The following CALY variants were observed in gnomAD, a reference collection of about 807,000 sequenced individuals.
CALY encodes the protein neuron-specific vesicular protein calcyon.
A neutral mutation model predicts 20.2 loss-of-function variants in CALY; 15 were observed. The observed-to-expected ratio is 0.74, with a 90% CI of 0.50 to 1.14. The LOEUF (loss-of-function observed/expected upper bound fraction) is 1.14. Ranked by LOEUF, CALY falls within the 50% of genes most tolerant of loss-of-function variation. The probability of loss-of-function intolerance (pLI) is 0.00; values close to 1 mark genes in which losing one functional copy is unlikely to be tolerated. For synonymous variants in CALY, 129 were observed against 131.8 expected, an observed-to-expected ratio of 0.98 and a Z score of 0.15; for missense variants, 270 against 304.4, an observed-to-expected ratio of 0.89 and a Z score of 0.84.
At chr10:133,326,409 A>C in intron 4 of CALY, 1 of 707,594 alleles carries the variant, frequency 1.4e-6, no homozygotes, top group Non-Finnish European at 2.4e-6. Flanking sequence ...AGCATAAACC[A>C]TGGAGTTAAG....
In CALY at chr10:133,324,364, G is replaced by C; in HGVS notation, c.*1231C>G. The C allele has an allele frequency of 2.2e-6, 1 of 455,844 alleles. No homozygotes were observed. The highest frequency in any genetic ancestry group is 4.4e-6 in the Non-Finnish European group (1 of 226,834). 28.2% of individuals were successfully genotyped at this position (455,844 alleles called of 1,614,324 possible). Reference sequence around the variant, plus strand: ...TCCTGGGCACTGCCGCTGTTCCAAAGCAGGCCAGTCCCACTGAGCTGGGAA... The same window carrying C: ...TCCTGGGCACTGCCGCTGTTCCAAACCAGGCCAGTCCCACTGAGCTGGGAA... On this transcript the variant is annotated 3_prime_UTR_variant, in exon 6 of 6. Coordinates refer to ENST00000252939, the MANE Select transcript of CALY (RefSeq NM_015722.4).
chr10:133,329,115 A>G (rs113604688), intron 1 of CALY, 106 bp from the exon 2 acceptor site: 1 of 963,446 alleles, frequency 1.0e-6, no homozygotes, highest in Non-Finnish European at 1.5e-6. Flanking sequence ...TGCTCCTCAC[A>G]CCAGAGCCAG....
At chr10:133,336,498 G>A (rs930269462) in intron 1 of CALY, among the ~76,000 whole-genome samples, 8 of 152,148 alleles carry the variant, frequency 5.3e-5, no homozygotes, top group African/African-American at 1.9e-4. Flanking sequence ...CCCCACCTCG[G>A]AGACACCCTT....
chr10:133,327,705 C>G, intron 3 of CALY, 200 bp downstream of exon 3: 1 of 680,992 alleles, frequency 1.5e-6, no homozygotes, highest in Non-Finnish European at 2.7e-6. Context: ...CAGTCTGCAC[C>G]TGCAGCCTCG....
At chr10:133,326,248 C>A (rs980966297) in intron 4 of CALY, 128 bp from the exon 5 acceptor site, 2 of 1,550,542 alleles carry the variant, frequency 1.3e-6, no homozygotes, top group Admixed American at 3.9e-5. Context: ...TTCAGGACAC[C>A]GAAGATCAGC....
intron 1 of CALY, among the ~76,000 whole-genome samples, chr10:133,336,255 CA>C (rs910358628): frequency 1.3e-4 from 20 of 152,294 alleles, no homozygotes; most frequent in Non-Finnish European, 2.6e-4. Context: ...CCAGCCCAGC[CA>C]CCTGTGGCCC....
chr10:133,333,446 G>A (rs752028417), intron 1 of CALY, among the ~76,000 whole-genome samples: 3 of 149,420 alleles, frequency 2.0e-5, no homozygotes, highest in Non-Finnish European at 4.5e-5. Flanking sequence ...CCAACGGGGT[G>A]CGGGGAGGGA....
chr10:133,325,876 T>G lies in CALY; in HGVS notation c.605A>C (p.Glu202Ala). The change falls in exon 5 of 6, where the codon GAG (glutamate) becomes GCG (alanine). Residue 202 changes from glutamate to alanine, a missense_variant. Transcript: ENST00000252939. The stretch of plus-strand genomic sequence containing the variant: ...GCTCCCGGCCGCCTTCCGCGCCGCC[T>G]CCTTCTCCGCCTTGGCCGACGGCTT... ...PGKPSAKAEK[E>A]AARKAAGSAA... 3.2e-6 allele frequency: 4 copies of G among 1,250,592 alleles called. No homozygotes were observed. Among genetic ancestry groups the G allele is most frequent in the Non-Finnish European group, 4.0e-6 (4 of 999,388 alleles). The allele number at this position is 1,250,592 out of a possible 1,614,324, so 77.5% of individuals were successfully genotyped here.
At position 133,327,353 on chromosome 10, in the gene CALY, C is replaced by A. The variant is rs1253390573; in HGVS notation, c.247-362G>T. 16 of 491,646 alleles carry A rather than the reference C, an allele frequency of 3.3e-5. No individual in the cohort carries two copies. In the South Asian group the frequency reaches 4.8e-4, roughly 15 times the overall value. The allele number at this position is 491,646 out of a possible 1,614,324, so 30.5% of individuals were successfully genotyped here. On this transcript the variant is annotated intron_variant, in intron 3 of 5. Coordinates refer to ENST00000252939, the MANE Select transcript of CALY (RefSeq NM_015722.4). Reference sequence around the variant, plus strand: ...GGAGTCGGAGGCTGCACTCACCAGGCCTCCCAGGTGACTGCCCACAGTGGG... The same window carrying A: ...GGAGTCGGAGGCTGCACTCACCAGGACTCCCAGGTGACTGCCCACAGTGGG...
chr10:133,328,879 C>G lies in CALY; in HGVS notation c.111G>C (p.Gln37His), dbSNP rs1425134494. 1 of 1,544,854 alleles carries G rather than the reference C, an allele frequency of 6.5e-7. No individual in the cohort carries two copies. Among genetic ancestry groups the G allele is most frequent in the African/African-American group, 1.4e-5 (1 of 73,204 alleles). The change falls in exon 2 of 6, where the codon CAG becomes CAC. Residue 37 changes from glutamine to histidine, a missense_variant. Physicochemically the swap from Gln to His is conservative, Grantham distance 24 (BLOSUM62 0). Coordinates refer to ENST00000252939, the MANE Select transcript of CALY (RefSeq NM_015722.4). ...VPLISPLDIS[Q>H]LQPPLPDQVV... ...CCTGGTCAGGGAGTGGCGGCTGGAG[C>G]TGGCTGATGTCCAAGGGGCTGATCA...
In CALY at chr10:133,326,789, C is replaced by G. The variant is rs566803402; in HGVS notation, c.360+89G>C. 100 of 770,044 alleles carry G rather than the reference C, an allele frequency of 1.3e-4. No individual in the cohort carries two copies. In the African/African-American group the frequency reaches 1.3e-3, roughly 10 times the overall value. 47.7% of individuals were successfully genotyped at this position (770,044 alleles called of 1,614,324 possible). A position where few individuals can be genotyped will look rare whatever the true frequency, so the allele number is the denominator to read the frequency against. On this transcript the variant is annotated intron_variant, in intron 4 of 5. Transcript: ENST00000252939. The stretch of plus-strand genomic sequence containing the variant: ...GGCTTTGGAGACCACGTTCCCCCAG[C>G]AGCAGGAGACACCCCTGCCACCCCC...
chr10:133,336,660 A>T (rs1210891322), intron 1 of CALY, among the ~76,000 whole-genome samples, 174 bp downstream of exon 1: 1 of 151,812 alleles, frequency 6.6e-6, no homozygotes, highest in Non-Finnish European at 1.5e-5. Flanking sequence ...GCACACTCGC[A>T]CCCGCACACG....
Position 133,329,863 on chromosome 10 carries a change from T to C in CALY, c.-20-854A>G, listed in dbSNP as rs546040017. Among the ~76,000 whole-genome samples the C allele has an allele frequency of 6.2e-3, 948 of 152,368 alleles. 8 individuals carry two copies. Among genetic ancestry groups the C allele is most frequent in the South Asian group, 0.018 (87 of 4,834 alleles). ...CTTATCCTGAAGTCAGTCCTCATTC[T>C]GTCTGGCGGCTCTCTGCCAGAGACG... On this transcript the variant is annotated intron_variant, in intron 1 of 5. Transcript: ENST00000252939.
At position 133,327,941 on chromosome 10, in the gene CALY, C is replaced by T. The variant is rs1261775990; in HGVS notation, c.210G>A (p.Gln70=). ...DQQNFPDLEG[Q]RLNCSHPEEG... ...CCTCTGGGTGGCTGCAGTTCAGCCTCTGGCCCTCCAGGTCAGGGAAATTCT... is the reference window on the plus strand; with the variant it reads ...CCTCTGGGTGGCTGCAGTTCAGCCTTTGGCCCTCCAGGTCAGGGAAATTCT... Residue 70 remains glutamine, a synonymous_variant, in exon 3 of 6, where the codon CAG becomes CAA. Coordinates refer to ENST00000252939, the MANE Select transcript of CALY (RefSeq NM_015722.4). 1.9e-6 allele frequency: 3 copies of T among 1,613,258 alleles called. No homozygotes were observed. The highest frequency in any genetic ancestry group is 2.5e-6 in the Non-Finnish European group (3 of 1,179,672).
intron 3 of CALY, 66 bp from the exon 4 acceptor site, chr10:133,327,057 A>G (rs1848226489): frequency 8.0e-6 from 9 of 1,118,842 alleles, no homozygotes; most frequent in South Asian, 1.3e-5. Context: ...GGAGCTCCTC[A>G]GGGGCTGGGC....
At chr10:133,326,850 C>A (rs770893525) in intron 4 of CALY, 28 bp downstream of exon 4, 1 of 1,484,560 alleles carries the variant, frequency 6.7e-7, no homozygotes, top group Admixed American at 1.9e-5. Context: ...CGGCTCTACA[C>A]CCCCCACCAG....
intron 1 of CALY, among the ~76,000 whole-genome samples, chr10:133,335,275 C>T (rs1170056800): frequency 6.6e-6 from 1 of 152,030 alleles, no homozygotes; most frequent in Non-Finnish European, 1.5e-5. Context: ...GAGGGGGAGG[C>T]GGAGAAGGGG....
At chr10:133,336,301 G>A (rs1384953655) in intron 1 of CALY, among the ~76,000 whole-genome samples, 6 of 152,074 alleles carry the variant, frequency 3.9e-5, no homozygotes, top group Non-Finnish European at 7.4e-5. Context: ...TTCCGGAGCC[G>A]CGCCCCTCCC....
chr10:133,328,152 TG>T (rs1848245221), intron 2 of CALY, 137 bp from the exon 3 acceptor site: 2 of 643,932 alleles, frequency 3.1e-6, no homozygotes, highest in African/African-American at 1.8e-5. Context: ...GACTGTCTGG[TG>T]GATGGCAGGG....
Sources: gnomAD v4.1 joint callset for allele counts (sites outside exome capture counted in the v4.1 genomes callset) on GRCh38, gnomAD v4.1.1 for gene constraint, MANE v1.5 for transcripts, NCBI Gene and HGNC (gene_info 2026-07-23, HGNC 2026-07-21) for gene names.